CMSS1: variants seen among roughly 807,000 people sequenced by gnomAD.
The protein encoded by CMSS1 is protein CMSS1.
In CMSS1, 33 loss-of-function variants were observed where a neutral mutation model predicts 43.5. The ratio of observed to expected loss-of-function variants is 0.76; its 90% CI spans 0.57 to 1.01. The LOEUF (loss-of-function observed/expected upper bound fraction) is 1.01, where lower values mean the gene tolerates loss of function less well. Ranked by LOEUF, CMSS1 falls within the 50% of genes least tolerant of loss-of-function variation. The probability of loss-of-function intolerance (pLI) is 0.00; values close to 1 mark genes in which losing one functional copy is unlikely to be tolerated. For missense variants in CMSS1, 313 were observed against 326.4 expected, an observed-to-expected ratio of 0.96 and a Z score of 0.32; for synonymous variants, 115 against 117.2, an observed-to-expected ratio of 0.98 and a Z score of 0.12.
intron 1 of CMSS1, among the ~76,000 whole-genome samples, chr3:99,985,202 G>GA (rs1242875724): frequency 4.6e-5 from 7 of 152,148 alleles, no homozygotes; most frequent in Admixed American, 2.0e-4. Flanking sequence ...AAAAGGTTGA[G>GA]AAAACTGCAA....
intron 1 of CMSS1, among the ~76,000 whole-genome samples, chr3:99,888,491 CAAACA>C (rs559726137): frequency 2.0e-5 from 3 of 152,116 alleles, no homozygotes; most frequent in Non-Finnish European, 4.4e-5. Context: ...CAGGCTACAA[CAAACA>C]AAACAAAACA....
At chr3:99,861,576 C>T (rs777182081) in intron 1 of CMSS1, among the ~76,000 whole-genome samples, 19 of 152,134 alleles carry the variant, frequency 1.2e-4, no homozygotes, top group African/African-American at 2.9e-4. Context: ...CTGTGATCTG[C>T]GTTCTTCTGT....
chr3:99,917,785 C>G (rs774166966), intron 1 of CMSS1, among the ~76,000 whole-genome samples: 2 of 152,120 alleles, frequency 1.3e-5, no homozygotes, highest in Non-Finnish European at 2.9e-5. Flanking sequence ...AATGGATGTA[C>G]AGATTTGGAT....
At chr3:99,853,448 A>T (rs1943803942) in intron 1 of CMSS1, among the ~76,000 whole-genome samples, 1 of 152,158 alleles carries the variant, frequency 6.6e-6, no homozygotes, top group Admixed American at 6.5e-5. Flanking sequence ...GATATAAGGG[A>T]GGGAAGATTG....
intron 1 of CMSS1, among the ~76,000 whole-genome samples, chr3:99,947,280 T>C (rs1359459876): frequency 6.6e-6 from 1 of 152,076 alleles, no homozygotes; most frequent in East Asian, 1.9e-4. Context: ...CCATAGACTT[T>C]CTTATCTTTG....
At chr3:99,916,835 CA>C (rs1014645593) in intron 1 of CMSS1, among the ~76,000 whole-genome samples, 2 of 152,162 alleles carry the variant, frequency 1.3e-5, no homozygotes, top group African/African-American at 4.8e-5. Context: ...TCACTTGTGC[CA>C]GCCATCATCT....
At chr3:99,911,037 C>T (rs1482876045) in intron 1 of CMSS1, among the ~76,000 whole-genome samples, 1 of 151,960 alleles carries the variant, frequency 6.6e-6, no homozygotes, top group Admixed American at 6.6e-5. Context: ...ATCTCATTGC[C>T]GTTTGTTCAT....
rs186109821 is a variant in CMSS1 at position 99,943,755 on chromosome 3, A to G, written c.64+125712A>G. Among the ~76,000 whole-genome samples the G allele has an allele frequency of 9.8e-5, 15 of 152,302 alleles. No homozygotes were observed. In the East Asian group the frequency reaches 1.7e-3, roughly 18 times the overall value. On this transcript the variant is annotated intron_variant, in intron 1 of 9. Transcript: ENST00000421999. ...GTCTTGGAGCTTCAGTCTATTTTCT[A>G]TAATCCAAATATAAGCAAAGCAGTA...
intron 1 of CMSS1, among the ~76,000 whole-genome samples, chr3:99,828,078 T>G (rs1246086037): frequency 6.6e-6 from 1 of 152,248 alleles, no homozygotes; most frequent in Non-Finnish European, 1.5e-5. Context: ...AGAGTAAAAT[T>G]TTTCCCAAGG....
chr3:99,971,356 A>G (rs1331033677), intron 1 of CMSS1, among the ~76,000 whole-genome samples: 1 of 150,838 alleles, frequency 6.6e-6, no homozygotes, highest in Non-Finnish European at 1.5e-5. Flanking sequence ...AAAAGAGAAT[A>G]TGGGATGCTG....
At chr3:99,946,282 A>G (rs1019745871) in intron 1 of CMSS1, among the ~76,000 whole-genome samples, 1 of 152,250 alleles carries the variant, frequency 6.6e-6, no homozygotes, top group African/African-American at 2.4e-5. Context: ...AATTTGTTAT[A>G]GGCTTTTATA....
intron 1 of CMSS1, among the ~76,000 whole-genome samples, chr3:99,948,557 AGAAGGAGAAGGC>A (rs1399814525): frequency 4.1e-5 from 6 of 144,650 alleles, no homozygotes; most frequent in African/African-American, 1.3e-4. Flanking sequence ...GAGGGGGAGA[AGAAGGAGAAGGC>A]GAAGGAGAAG....
Position 99,955,655 on chromosome 3 carries a change from C to T in CMSS1, c.64+137612C>T, listed in dbSNP as rs531929363. ...AGCTCCGTTAGTCTTGCCTATCAAA[C>T]TCTTTGATGATAATGAAATAACTTC... On this transcript the variant is annotated intron_variant, in intron 1 of 9. Coordinates refer to ENST00000421999, the MANE Select transcript of CMSS1 (RefSeq NM_032359.4). 6.6e-5 allele frequency among the ~76,000 whole-genome samples: 10 copies of T among 152,290 alleles called. No homozygotes were observed. In the East Asian group the frequency reaches 1.2e-3, roughly 18 times the overall value.
At chr3:100,090,121 A>G (rs756943450) in intron 1 of CMSS1, among the ~76,000 whole-genome samples, 1 of 152,218 alleles carries the variant, frequency 6.6e-6, no homozygotes, top group East Asian at 1.9e-4. Context: ...AGCTCCTTCC[A>G]TGGAGGGCTT....
intron 1 of CMSS1, among the ~76,000 whole-genome samples, chr3:99,871,009 A>G (rs147523868): frequency 6.6e-6 from 1 of 152,278 alleles, no homozygotes; most frequent in East Asian, 1.9e-4. Flanking sequence ...CCAGGTATAC[A>G]AAGTCTCATT....
At position 99,946,225 on chromosome 3, in the gene CMSS1, G is replaced by A. The variant is rs1395262490; in HGVS notation, c.64+128182G>A. Among the ~76,000 whole-genome samples, 3 of 152,066 alleles carry A rather than the reference G, an allele frequency of 2.0e-5. No homozygotes were observed. In the East Asian group the frequency reaches 5.8e-4, roughly 29 times the overall value. On this transcript the variant is annotated intron_variant, in intron 1 of 9. Coordinates refer to ENST00000421999, the MANE Select transcript of CMSS1 (RefSeq NM_032359.4). ...TCTATTACATCTTCAGAATAGCCCT[G>A]GATACTATTGTGATTGATAGCTTAT... is the stretch of plus-strand genomic sequence containing the variant.
At chr3:100,061,037 C>G (rs771619648) in intron 1 of CMSS1, among the ~76,000 whole-genome samples, 1 of 151,966 alleles carries the variant, frequency 6.6e-6, no homozygotes, top group Non-Finnish European at 1.5e-5. Context: ...ACCCTTTGCC[C>G]CAAGATTTAT....
intron 1 of CMSS1, among the ~76,000 whole-genome samples, chr3:99,875,878 C>T (rs1191219174): frequency 6.6e-6 from 1 of 152,204 alleles, no homozygotes. Flanking sequence ...TTTTCTCCTC[C>T]AGAGAAAACT....
At position 99,848,865 on chromosome 3, in the gene CMSS1, C is replaced by G. The variant is rs114299850; in HGVS notation, c.64+30822C>G. 218 of 1,613,958 alleles carry G rather than the reference C, an allele frequency of 1.4e-4. No homozygotes were observed. In the African/African-American group the frequency reaches 2.6e-3, roughly 19 times the overall value. ...TCCTTTGCTTTGGCGTGCCACAGTT[C>G]GGTATCACTGCAGTACTCGTGTAAG... On this transcript the variant is annotated intron_variant, in intron 1 of 9. Coordinates refer to ENST00000421999, the MANE Select transcript of CMSS1 (RefSeq NM_032359.4).
Sources: allele counts gnomAD v4.1 joint callset (sites outside exome capture counted in the v4.1 genomes callset), GRCh38; gene constraint gnomAD v4.1.1; transcripts MANE v1.5; gene names NCBI Gene and HGNC (gene_info 2026-07-23, HGNC 2026-07-21).